Variants in BAALC observed in about 807,000 individuals in gnomAD.
BAALC encodes BAALC binder of MAP3K1 and KLF4, also known as brain and acute leukemia cytoplasmic protein.
BAALC carries 9 observed loss-of-function variants against 15.5 expected under a neutral mutation model. The observed-to-expected ratio is 0.58, with a 90% CI of 0.35 to 1.02. The LOEUF is 1.02. Among genes scored for constraint, BAALC ranks in the 50% least tolerant of loss-of-function variants. The pLI, the probability that BAALC is intolerant of heterozygous loss-of-function variation, is 0.02. For missense variants in BAALC, 201 were observed against 192.4 expected (o/e 1.04, Z -0.27); for synonymous variants, 80 against 74.6 (o/e 1.07, Z -0.37).
At chr8:103,219,767 C>T (rs146130823) in intron 2 of BAALC, among the ~76,000 whole-genome samples, 15 of 152,352 alleles carry the variant, frequency 9.8e-5, no homozygotes, top group African/African-American at 3.6e-4. Context: ...GCAGCAAATA[C>T]ATTCACAGAA....
intron 1 of BAALC, among the ~76,000 whole-genome samples, chr8:103,158,448 G>C (rs1212660918): frequency 6.6e-6 from 1 of 152,086 alleles, no homozygotes; most frequent in East Asian, 1.9e-4. Flanking sequence ...ATTAAATAGA[G>C]AACTTTCATA....
Position 103,228,054 on chromosome 8 carries a change from A to G in BAALC, c.393A>G (p.Gln131=). ...EVTINVTDSI[Q]QMDRSRRITK... The stretch of plus-strand genomic sequence containing the variant: ...CCATTAATGTAACAGATAGCATCCA[A>G]CAGATGGACAGAAGTCGAAGAATCA... The change falls in exon 3 of 3, where the codon CAA becomes CAG. Residue 131 remains glutamine, a synonymous_variant. Coordinates refer to ENST00000309982, the MANE Select transcript of BAALC (RefSeq NM_024812.3). 1.2e-6 allele frequency: 2 copies of G among 1,613,746 alleles called. No homozygotes were observed. The highest frequency in any genetic ancestry group is 1.7e-6 in the Non-Finnish European group (2 of 1,179,812).
At chr8:103,173,761 C>A (rs1033997001) in intron 1 of BAALC, among the ~76,000 whole-genome samples, 2 of 152,032 alleles carry the variant, frequency 1.3e-5, no homozygotes, top group Non-Finnish European at 2.9e-5. Flanking sequence ...TTCTATGTCT[C>A]AAAAAAATTA....
intron 1 of BAALC, among the ~76,000 whole-genome samples, chr8:103,168,510 TG>T (rs780838057): frequency 0.013 from 1,773 of 137,470 alleles, 16 homozygotes; most frequent in Non-Finnish European, 0.02. Context: ...AATATGTGTT[TG>T]TTTTTTTTTT....
At chr8:103,184,123 TA>T (rs1406926629) in intron 1 of BAALC, among the ~76,000 whole-genome samples, 1 of 152,254 alleles carries the variant, frequency 6.6e-6, no homozygotes, top group Non-Finnish European at 1.5e-5. Flanking sequence ...TCTGTGCCTT[TA>T]AAAACAGTCA....
chr8:103,199,957 C>G (rs1231516363), intron 1 of BAALC, among the ~76,000 whole-genome samples: 1 of 152,194 alleles, frequency 6.6e-6, no homozygotes, highest in East Asian at 1.9e-4. Context: ...TGGCCTCCAT[C>G]TCCATCCATG....
intron 1 of BAALC, among the ~76,000 whole-genome samples, chr8:103,144,581 C>T (rs1810842865): frequency 2.0e-5 from 3 of 152,206 alleles, no homozygotes; most frequent in Admixed American, 2.0e-4. Context: ...CAACCTAGCT[C>T]AGTCATTCCA....
rs536001078 is a variant in BAALC at position 103,230,223 on chromosome 8, C to T, written c.*2124C>T. The T allele has an allele frequency of 6.6e-6, 1 of 152,278 alleles. No individual in the cohort carries two copies. The highest frequency in any genetic ancestry group is 2.4e-5 in the African/African-American group (1 of 41,554). 9.4% of individuals were successfully genotyped at this position (152,278 alleles called of 1,614,324 possible). A position where few individuals can be genotyped will look rare whatever the true frequency, so the allele number is the denominator to read the frequency against. ...GCTACTTTTTCATGTATGTATGAGA[C>T]AGAAACTAATCCTTACTATCCTATT... On this transcript the variant is annotated 3_prime_UTR_variant, in exon 3 of 3. Transcript: ENST00000309982.
chr8:103,214,600 G>A (rs1007242547), intron 2 of BAALC, among the ~76,000 whole-genome samples: 1 of 152,206 alleles, frequency 6.6e-6, no homozygotes, highest in Non-Finnish European at 1.5e-5. Context: ...CAGAAAACCT[G>A]TTGCAAATTC....
chr8:103,190,487 C>G (rs1295591194), intron 1 of BAALC, among the ~76,000 whole-genome samples: 2 of 152,128 alleles, frequency 1.3e-5, no homozygotes, highest in Non-Finnish European at 2.9e-5. Flanking sequence ...GAACTTTTCT[C>G]TCATGTTTTC....
At chr8:103,184,165 CCT>C (rs1320624191) in intron 1 of BAALC, among the ~76,000 whole-genome samples, 3 of 152,168 alleles carry the variant, frequency 2.0e-5, no homozygotes, top group Non-Finnish European at 2.9e-5. Context: ...CTTCTGGTTC[CCT>C]CTTTTACCTT....
rs73282173 is a variant in BAALC, at chr8:103,207,283, C to A, written c.161-5636C>A. ...AAAAGCAAACAGAAGCTCATTAACA[C>A]GTATATTTTACATATACATGGGAGA... On this transcript the variant is annotated intron_variant, in intron 1 of 2. Transcript: ENST00000309982. Among the ~76,000 whole-genome samples the A allele has an allele frequency of 2.0e-5, 3 of 152,140 alleles. No homozygotes were observed. The East Asian group carries it at 5.8e-4, about 29-fold the overall frequency.
Position 103,199,950 on chromosome 8 carries a change from C to T in BAALC, c.161-12969C>T, listed in dbSNP as rs1812177441. On this transcript the variant is annotated intron_variant, in intron 1 of 2. Transcript: ENST00000309982. ...TGTGTTAGTCTGCTAAGAATAATGG[C>T]CTCCATCTCCATCCATGTTACTGCA... 2.0e-5 allele frequency among the ~76,000 whole-genome samples: 3 copies of T among 152,142 alleles called. No individual in the cohort carries two copies. In the South Asian group the frequency reaches 6.2e-4, roughly 31 times the overall value.
At chr8:103,178,299 C>T (rs114236818) in intron 1 of BAALC, among the ~76,000 whole-genome samples, 1 of 152,128 alleles carries the variant, frequency 6.6e-6, no homozygotes, top group African/African-American at 2.4e-5. Flanking sequence ...GGTGATGGAG[C>T]TGTTCTGTAT....
chr8:103,169,040 CTG>C (rs1482864393), intron 1 of BAALC, among the ~76,000 whole-genome samples: 1 of 152,010 alleles, frequency 6.6e-6, no homozygotes, highest in Non-Finnish European at 1.5e-5. Flanking sequence ...CCCCATCTCC[CTG>C]TGTCTTTTAA....
intron 1 of BAALC, among the ~76,000 whole-genome samples, chr8:103,195,509 C>A (rs1219111836): frequency 1.3e-5 from 2 of 152,188 alleles, no homozygotes; most frequent in Non-Finnish European, 2.9e-5. Flanking sequence ...TGGAAAGACA[C>A]CAGCTTTCAT....
intron 2 of BAALC, chr8:103,213,475 A>C (rs1456640965): frequency 6.2e-6 from 1 of 160,702 alleles, no homozygotes; most frequent in Admixed American, 6.3e-5. Context: ...GAGTGGTTGG[A>C]AACAAGCCTC....
chr8:103,226,763 T>C (rs971029403), intron 2 of BAALC, among the ~76,000 whole-genome samples: 2 of 152,204 alleles, frequency 1.3e-5, no homozygotes, highest in African/African-American at 2.4e-5. Context: ...TTTAAGCTTA[T>C]TTTTTTCCCA....
At chr8:103,161,398 T>A (rs72671380) in intron 1 of BAALC, among the ~76,000 whole-genome samples, 13,141 of 152,258 alleles carry the variant, frequency 0.086, 756 homozygotes, top group Middle Eastern at 0.13. Flanking sequence ...ATACTATACC[T>A]ACTGTTCTGT....
Sources: allele counts gnomAD v4.1 joint callset (sites outside exome capture counted in the v4.1 genomes callset), GRCh38; gene constraint gnomAD v4.1.1; transcripts MANE v1.5; gene names NCBI Gene and HGNC (gene_info 2026-07-23, HGNC 2026-07-21).